The following TRAF3IP1 variants were observed in gnomAD, a reference collection of about 807,000 sequenced individuals.
The protein encoded by TRAF3IP1 is intraflagellar transport 54.
In TRAF3IP1, 53 loss-of-function variants were observed where a neutral mutation model predicts 89.9. The ratio of observed to expected loss-of-function variants is 0.59; its 90% CI spans 0.47 to 0.74. The LOEUF (loss-of-function observed/expected upper bound fraction) is 0.74, where lower values mean the gene tolerates loss of function less well. Ranked by LOEUF, TRAF3IP1 falls within the 30% of genes least tolerant of loss-of-function variation. The pLI, the probability that TRAF3IP1 is intolerant of heterozygous loss-of-function variation, is 0.00. For missense variants in TRAF3IP1, 806 were observed against 866.1 expected, an observed-to-expected ratio of 0.93 and a Z score of 0.87; for synonymous variants, 311 against 322.1, an observed-to-expected ratio of 0.97 and a Z score of 0.37.
At chr2:238,390,244 C>A (rs897563894) in intron 15 of TRAF3IP1, among the ~76,000 whole-genome samples, 1 of 152,112 alleles carries the variant, frequency 6.6e-6, no homozygotes, top group Admixed American at 6.6e-5. Context: ...GGTGAGGGTG[C>A]CACAAAAAGG....
chr2:238,363,478 TAA>T (rs1184534023), intron 15 of TRAF3IP1, among the ~76,000 whole-genome samples: 2 of 152,350 alleles, frequency 1.3e-5, no homozygotes, highest in Admixed American at 1.3e-4. Context: ...TAAAGATTTT[TAA>T]AAGTCTTTTT....
In TRAF3IP1 at chr2:238,332,907, A is replaced by C. The variant is rs1698200379; in HGVS notation, c.987+12A>C. 3 of 1,599,218 alleles carry C rather than the reference A, an allele frequency of 1.9e-6. No individual in the cohort carries two copies. The East Asian group carries it at 6.7e-5, about 36-fold the overall frequency. ...AGGCTGAAACAGAGGTAAACTTTAA[A>C]AAATAACTTTTAAGAGATGTCAACT... On this transcript the variant is annotated intron_variant, in intron 6 of 16. Transcript: ENST00000373327.
chr2:238,356,868 T>C (rs1353736942), intron 15 of TRAF3IP1, among the ~76,000 whole-genome samples: 1 of 149,320 alleles, frequency 6.7e-6, no homozygotes, highest in Non-Finnish European at 1.5e-5. Flanking sequence ...AAGCTCCGCC[T>C]CCCGGGTTCA....
In TRAF3IP1 at chr2:238,344,581, C is replaced by T; in HGVS notation, c.1244C>T (p.Pro415Leu). Residue 415 changes from proline (P) to leucine (L), a missense_variant, in exon 9 of 17, where the codon CCC (proline) becomes CTC (leucine). This residue lies in a region of TRAF3IP1 where 732 missense variants were observed against 780.5 expected (regional missense o/e 0.94). Transcript: ENST00000373327. ...CGGTGTGAGAATATTCAGCCCAACCCCACAGAGAAGCAGAAAGGTAAGAAT... is the reference window on the plus strand; with the variant it reads ...CGGTGTGAGAATATTCAGCCCAACCTCACAGAGAAGCAGAAAGGTAAGAAT... ...SLRCENIQPN[P>L]TEKQKGDSTS... 2 of 1,614,096 alleles carry T rather than the reference C, an allele frequency of 1.2e-6. No individual in the cohort carries two copies. The highest frequency in any genetic ancestry group is 4.5e-5 in the East Asian group (2 of 44,888).
intron 15 of TRAF3IP1, among the ~76,000 whole-genome samples, chr2:238,378,740 G>C (rs1246965884): frequency 6.6e-6 from 1 of 152,120 alleles, no homozygotes; most frequent in Non-Finnish European, 1.5e-5. Flanking sequence ...GGGTGATCTG[G>C]GTTAAGGGAA....
chr2:238,381,636 T>TAC (rs1396536307), intron 15 of TRAF3IP1, among the ~76,000 whole-genome samples: 1 of 149,886 alleles, frequency 6.7e-6, no homozygotes, highest in Admixed American at 6.6e-5. Context: ...ACCACCCTGA[T>TAC]GGGCCACTGC....
chr2:238,342,677 T>C (rs1272797948), intron 8 of TRAF3IP1, among the ~76,000 whole-genome samples: 1 of 152,216 alleles, frequency 6.6e-6, no homozygotes, highest in Non-Finnish European at 1.5e-5. Context: ...GCCAAACTTA[T>C]GTTTATTTTT....
intron 7 of TRAF3IP1, among the ~76,000 whole-genome samples, chr2:238,336,246 T>G (rs562755169): frequency 1.2e-4 from 18 of 152,312 alleles, no homozygotes; most frequent in African/African-American, 3.6e-4. Context: ...TGTATGGTCT[T>G]AAGAGATTTT....
chr2:238,343,239 C>CCA (rs1418123476), intron 8 of TRAF3IP1, among the ~76,000 whole-genome samples: 1 of 152,202 alleles, frequency 6.6e-6, no homozygotes, highest in East Asian at 1.9e-4. Context: ...GCATGTGCCA[C>CCA]CACACCCGGC....
rs1293769073 is a variant in TRAF3IP1, at chr2:238,352,938, A to G, written c.1563A>G (p.Ser521=). ...CTGCCCCTCAGCTCTCTGAAATGTC[A>G]GAAATTGAAATGGTTAGTTAACCGA... ...VEAAPQLSEM[S]EIEMVTAVEL... is the part of the protein sequence containing the mutation. The change falls in exon 13 of 17, where the codon TCA becomes TCG. Residue 521 remains serine (S), a synonymous_variant. Coordinates refer to ENST00000373327, the MANE Select transcript of TRAF3IP1 (RefSeq NM_015650.4). 1 of 1,610,346 alleles carries G rather than the reference A, an allele frequency of 6.2e-7. No homozygotes were observed. Among genetic ancestry groups the G allele is most frequent in the African/African-American group, 1.3e-5 (1 of 74,698 alleles).
At chr2:238,331,580 C>G (rs577669316) in intron 5 of TRAF3IP1, among the ~76,000 whole-genome samples, 2 of 152,110 alleles carry the variant, frequency 1.3e-5, no homozygotes, top group Non-Finnish European at 2.9e-5. Flanking sequence ...GAGACCATGG[C>G]GAAGTGATTT....
intron 15 of TRAF3IP1, among the ~76,000 whole-genome samples, chr2:238,386,165 A>G (rs1240616654): frequency 1.1e-4 from 16 of 152,154 alleles, no homozygotes. Flanking sequence ...GGGAGCTGGC[A>G]AGCTGGGATT....
chr2:238,335,405 C>T (rs996482403), intron 7 of TRAF3IP1, among the ~76,000 whole-genome samples: 1 of 152,052 alleles, frequency 6.6e-6, no homozygotes, highest in African/African-American at 2.4e-5. Flanking sequence ...TCTGTGAAGC[C>T]TTTTGTAGTC....
chr2:238,372,602 G>A (rs181975919), intron 15 of TRAF3IP1, among the ~76,000 whole-genome samples: 4 of 152,234 alleles, frequency 2.6e-5, no homozygotes, highest in African/African-American at 9.6e-5. Context: ...ACATGTCCAT[G>A]TGTCTTTATA....
chr2:238,321,738 G>A (rs546891849), intron 1 of TRAF3IP1, among the ~76,000 whole-genome samples: 1 of 152,306 alleles, frequency 6.6e-6, no homozygotes, highest in South Asian at 2.1e-4. Context: ...CATTTCCATG[G>A]TGGACCCAAG....
At chr2:238,383,487 A>G (rs944503554) in intron 15 of TRAF3IP1, among the ~76,000 whole-genome samples, 43 of 152,190 alleles carry the variant, frequency 2.8e-4, no homozygotes, top group African/African-American at 9.9e-4. Context: ...CTGCACAGAT[A>G]CACCGTGGCG....
Position 238,397,472 on chromosome 2 carries a change from T to C in TRAF3IP1, c.1703T>C (p.Phe568Ser). ...CCCTGACTGTAGGAGCGATCTCTCT[T>C]TGAGTCGGCATGGAAGAAGGAGAAG... is the stretch of plus-strand genomic sequence containing the variant. ...PKPGEKERSL[F>S]ESAWKKEKDI... The change falls in exon 16 of 17, where the codon TTT becomes TCT. Residue 568 changes from phenylalanine (F) to serine (S), a missense_variant. This residue lies in a region of TRAF3IP1 where 732 missense variants were observed against 780.5 expected (regional missense o/e 0.94). Coordinates refer to ENST00000373327, the MANE Select transcript of TRAF3IP1 (RefSeq NM_015650.4). The C allele has an allele frequency of 1.2e-6, 2 of 1,612,680 alleles. No individual in the cohort carries two copies. The highest frequency in any genetic ancestry group is 1.7e-6 in the Non-Finnish European group (2 of 1,179,746).
At chr2:238,324,975 C>T (rs1322316930) in intron 1 of TRAF3IP1, among the ~76,000 whole-genome samples, 1 of 152,182 alleles carries the variant, frequency 6.6e-6, no homozygotes, top group East Asian at 1.9e-4. Flanking sequence ...GCCTGGTCCC[C>T]ATCTAGGTAT....
rs533651337 is a variant in TRAF3IP1 at position 238,359,286 on chromosome 2, A to G, written c.1689+3206A>G. ...CATCCATGCCAACGACAGTCAAGAT[A>G]GTGAACACACTCATCACCCTCCACA... On this transcript the variant is annotated intron_variant, in intron 15 of 16. Transcript: ENST00000373327. 5.3e-5 allele frequency among the ~76,000 whole-genome samples: 8 copies of G among 152,324 alleles called. No homozygotes were observed. The South Asian group carries it at 1.7e-3, about 32-fold the overall frequency.
Sources: allele counts gnomAD v4.1 joint callset (sites outside exome capture counted in the v4.1 genomes callset), GRCh38; gene constraint gnomAD v4.1.1; regional missense constraint gnomAD v4.1.1; transcripts MANE v1.5; gene names NCBI Gene and HGNC (gene_info 2026-07-23, HGNC 2026-07-21).